NCDN: variants seen among roughly 807,000 people sequenced by gnomAD.
NCDN encodes neurochondrin.
Under a neutral mutation model 60.7 loss-of-function variants are expected in NCDN, and 9 were observed. That is an observed-to-expected ratio of 0.15 (90% confidence interval 0.09 to 0.26). The LOEUF (loss-of-function observed/expected upper bound fraction) is 0.26. Ranked by LOEUF, NCDN falls within the 10% of genes least tolerant of loss-of-function variation. The probability of loss-of-function intolerance (pLI) is 1.00; values close to 1 mark genes in which losing one functional copy is unlikely to be tolerated. For missense variants in NCDN, 578 were observed against 975.2 expected, an observed-to-expected ratio of 0.59 and a Z score of 5.42; for synonymous variants, 409 against 442.5, an observed-to-expected ratio of 0.92 and a Z score of 0.95.
Position 35,560,220 on chromosome 1 carries a change from G to A in NCDN, c.175-106G>A, listed in dbSNP as rs141675824. ...GATGAAATGACCTCAGATGAGTCCTGTTGCATAACCTCATCTTGCTAGTCC... is the reference window on the plus strand; with the variant it reads ...GATGAAATGACCTCAGATGAGTCCTATTGCATAACCTCATCTTGCTAGTCC... On this transcript the variant is annotated intron_variant, in intron 2 of 6. Transcript: ENST00000373243. The surrounding 1 kb of genome is among the most constrained non-coding windows in gnomAD (Gnocchi z 7.6). 4.9e-5 allele frequency: 69 copies of A among 1,416,796 alleles called. No homozygotes were observed. In the African/African-American group the frequency reaches 9.3e-4, roughly 19 times the overall value. 87.8% of individuals were successfully genotyped at this position (1,416,796 alleles called of 1,614,324 possible). A position where few individuals can be genotyped will look rare whatever the true frequency, so the allele number is the denominator to read the frequency against.
At position 35,566,565 on chromosome 1, in the gene NCDN, C is replaced by T. The variant is rs1648882572; in HGVS notation, c.*902C>T. 3.0e-6 allele frequency: 1 copy of T among 333,278 alleles called. No homozygotes were observed. The highest frequency in any genetic ancestry group is 6.0e-6 in the Non-Finnish European group (1 of 166,822). The allele number at this position is 333,278 out of a possible 1,614,324, so 20.6% of individuals were successfully genotyped here. Reference sequence around the variant, plus strand: ...TTTAACTCCCACCCCTGCTATGACTCCTCTCTGCAGAGACGCGACTGGCGG... The same window carrying T: ...TTTAACTCCCACCCCTGCTATGACTTCTCTCTGCAGAGACGCGACTGGCGG... On this transcript the variant is annotated 3_prime_UTR_variant, in exon 7 of 7. Transcript: ENST00000373243. This position sits in a 1 kb window ranked among gnomAD's most constrained non-coding sequence, Gnocchi z 5.3.
In NCDN at chr1:35,563,483, A is replaced by G; in HGVS notation, c.1610+57A>G. The G allele has an allele frequency of 6.4e-7, 1 of 1,559,064 alleles. No individual in the cohort carries two copies. The highest frequency in any genetic ancestry group is 8.8e-7 in the Non-Finnish European group (1 of 1,138,074). On this transcript the variant is annotated intron_variant, in intron 5 of 6. Transcript: ENST00000373243. The surrounding 1 kb of genome is among the most constrained non-coding windows in gnomAD (Gnocchi z 6.6). The stretch of plus-strand genomic sequence containing the variant: ...CCGGAGGAGGCAAAGGAGGCTGCCC[A>G]GTTGCCTCAATTCTCAGTCTCCTAC...
chr1:35,558,422 CTG>C lies in NCDN; in HGVS notation c.33+200_33+201del. On this transcript the variant is annotated intron_variant, in intron 1 of 6. Coordinates refer to ENST00000373243, the MANE Select transcript of NCDN (RefSeq NM_014284.3). This position sits in a 1 kb window ranked among gnomAD's most constrained non-coding sequence, Gnocchi z 6.3. ...GAGGGAGCGCAAGGGGTTAATTCTGCTGCTGCCGCCGCCGCTGCTGCTGCTGC... is the reference window on the plus strand; with the variant it reads ...GAGGGAGCGCAAGGGGTTAATTCTGCCTGCCGCCGCCGCTGCTGCTGCTGC... 1 of 1,442,194 alleles carries C rather than the reference CTG, an allele frequency of 6.9e-7. No homozygotes were observed. 89.3% of individuals were successfully genotyped at this position (1,442,194 alleles called of 1,614,324 possible).
Position 35,560,683 on chromosome 1 carries a change from G to T in NCDN, c.532G>T (p.Val178Leu). ...GPRHLIAGGT[V>L]SALCQAYLGH... ...TCGGCACCTCATTGCTGGTGGCACCGTGTCTGCCCTATGCCAGGCATACCT... is the reference window on the plus strand; with the variant it reads ...TCGGCACCTCATTGCTGGTGGCACCTTGTCTGCCCTATGCCAGGCATACCT... Residue 178 changes from valine (V) to leucine (L), a missense_variant, in exon 3 of 7, where the codon GTG (valine) becomes TTG (leucine). By Grantham distance (32) the Val-to-Leu change is conservative. Around this residue, in one of 3 missense-constraint regions of NCDN, gnomAD observed 363 missense variants for 583.6 expected, o/e 0.62. Transcript: ENST00000373243. The surrounding 1 kb of genome is among the most constrained non-coding windows in gnomAD (Gnocchi z 7.6). The T allele has an allele frequency of 6.2e-7, 1 of 1,613,028 alleles. No homozygotes were observed. The highest frequency in any genetic ancestry group is 8.5e-7 in the Non-Finnish European group (1 of 1,180,046).
chr1:35,560,717 G>A lies in NCDN; in HGVS notation c.566G>A (p.Gly189Asp), dbSNP rs753163717. The part of the protein sequence containing the change: ...SALCQAYLGH[G>D]YGFDQALALL... The stretch of plus-strand genomic sequence containing the variant: ...CTATGCCAGGCATACCTGGGGCACG[G>A]CTATGGCTTTGACCAGGCCCTGGCA... The change falls in exon 3 of 7, where the codon GGC (glycine) becomes GAC (aspartate). Residue 189 changes from glycine (G) to aspartate (D), a missense_variant. By Grantham distance (94) the Gly-to-Asp change is moderately conservative (BLOSUM62 -1). Transcript: ENST00000373243. This position sits in a 1 kb window ranked among gnomAD's most constrained non-coding sequence, Gnocchi z 7.6. 59 of 1,612,330 alleles carry A rather than the reference G, an allele frequency of 3.7e-5. No individual in the cohort carries two copies. The highest frequency in any genetic ancestry group is 5.0e-5 in the Non-Finnish European group (59 of 1,180,042).
At position 35,561,755 on chromosome 1, in the gene NCDN, A is replaced by G. The variant is rs2148538470; in HGVS notation, c.1143+461A>G. The stretch of plus-strand genomic sequence containing the variant: ...GCCTCTATAGAGGTCTGGCTAGATC[A>G]ATTCGCCTGCCTCCCCTACATCCCC... On this transcript the variant is annotated intron_variant, in intron 3 of 6. Transcript: ENST00000373243. The surrounding 1 kb of genome is among the most constrained non-coding windows in gnomAD (Gnocchi z 4.9). Among the ~76,000 whole-genome samples, 3 of 152,194 alleles carry G rather than the reference A, an allele frequency of 2.0e-5. No individual in the cohort carries two copies. In the South Asian group the frequency reaches 6.2e-4, roughly 32 times the overall value.
rs888842255 is a variant in NCDN at position 35,558,426 on chromosome 1, TGCC to T, written c.33+212_33+214del. ...GAGCGCAAGGGGTTAATTCTGCTGC[TGCC>T]GCCGCCGCTGCTGCTGCTGCTGCAG... On this transcript the variant is annotated intron_variant, in intron 1 of 6. Transcript: ENST00000373243. This position sits in a 1 kb window ranked among gnomAD's most constrained non-coding sequence, Gnocchi z 6.3. The T allele has an allele frequency of 2.8e-6, 4 of 1,440,104 alleles. No individual in the cohort carries two copies. Among genetic ancestry groups the T allele is most frequent in the Admixed American group, 2.7e-5 (1 of 37,290 alleles). The allele number at this position is 1,440,104 out of a possible 1,614,324, so 89.2% of individuals were successfully genotyped here.
Position 35,566,396 on chromosome 1 carries a change from T to C in NCDN, c.*733T>C. 4.3e-6 allele frequency: 1 copy of C among 231,992 alleles called. No individual in the cohort carries two copies. Among genetic ancestry groups the C allele is most frequent in the South Asian group, 5.4e-5 (1 of 18,574 alleles). 14.4% of individuals were successfully genotyped at this position (231,992 alleles called of 1,614,324 possible). On this transcript the variant is annotated 3_prime_UTR_variant, in exon 7 of 7. Coordinates refer to ENST00000373243, the MANE Select transcript of NCDN (RefSeq NM_014284.3). The surrounding 1 kb of genome is among the most constrained non-coding windows in gnomAD (Gnocchi z 5.3). Reference sequence around the variant, plus strand: ...GGGGGTTATTTATTTTGCCTGTCCTTATCCCTGCTTGGACACCTGAGCATC... The same window carrying C: ...GGGGGTTATTTATTTTGCCTGTCCTCATCCCTGCTTGGACACCTGAGCATC...
Position 35,565,848 on chromosome 1 carries a change from GC to G in NCDN, c.*189del. On this transcript the variant is annotated 3_prime_UTR_variant, in exon 7 of 7. Transcript: ENST00000373243. This position sits in a 1 kb window ranked among gnomAD's most constrained non-coding sequence, Gnocchi z 8.9. Reference sequence around the variant, plus strand: ...CCTCAAGTGTAAGGAACTGCGTTCCGCCCCTCAGGCCCCCATGGGGGCAGGG... The same window carrying G: ...CCTCAAGTGTAAGGAACTGCGTTCCGCCCTCAGGCCCCCATGGGGGCAGGG... 1 of 640,548 alleles carries G rather than the reference GC, an allele frequency of 1.6e-6. No individual in the cohort carries two copies. The highest frequency in any genetic ancestry group is 2.1e-5 in the South Asian group (1 of 48,722). 39.7% of individuals were successfully genotyped at this position (640,548 alleles called of 1,614,324 possible). A position where few individuals can be genotyped will look rare whatever the true frequency, so the allele number is the denominator to read the frequency against.
rs760066803 is a variant in NCDN, at chr1:35,561,342, G to A, written c.1143+48G>A. 1 of 1,526,248 alleles carries A rather than the reference G, an allele frequency of 6.6e-7. No individual in the cohort carries two copies. The highest frequency in any genetic ancestry group is 8.7e-7 in the Non-Finnish European group (1 of 1,143,846). The allele number at this position is 1,526,248 out of a possible 1,614,324, so 94.5% of individuals were successfully genotyped here. A position where few individuals can be genotyped will look rare whatever the true frequency, so the allele number is the denominator to read the frequency against. On this transcript the variant is annotated intron_variant, in intron 3 of 6. Coordinates refer to ENST00000373243, the MANE Select transcript of NCDN (RefSeq NM_014284.3). This position sits in a 1 kb window ranked among gnomAD's most constrained non-coding sequence, Gnocchi z 4.9. ...AGGGGGCCCAGTATGGGGGGAGCCA[G>A]TGCTGGAGCTGGGAGGCAAGGGGGA... is the stretch of plus-strand genomic sequence containing the variant.
At position 35,565,141 on chromosome 1, in the gene NCDN, A is replaced by C. The variant is rs1648829833; in HGVS notation, c.1754-86A>C. ...TTCCAGGCTGTGCCCTGGCTCCTGCATGTGTCTACACAGAGGACTAGGGAA... is the reference window on the plus strand; with the variant it reads ...TTCCAGGCTGTGCCCTGGCTCCTGCCTGTGTCTACACAGAGGACTAGGGAA... On this transcript the variant is annotated intron_variant, in intron 6 of 6. Coordinates refer to ENST00000373243, the MANE Select transcript of NCDN (RefSeq NM_014284.3). The surrounding 1 kb of genome is among the most constrained non-coding windows in gnomAD (Gnocchi z 8.9). The C allele has an allele frequency of 7.5e-7, 1 of 1,341,474 alleles. No individual in the cohort carries two copies. The highest frequency in any genetic ancestry group is 1.0e-6 in the Non-Finnish European group (1 of 978,172). The allele number at this position is 1,341,474 out of a possible 1,614,324, so 83.1% of individuals were successfully genotyped here.
rs1364015556 is a variant in NCDN at position 35,563,043 on chromosome 1, G to GTT, written c.1386-158_1386-157dup. ...TGGCAGAGCCCAAGTTTGGTCCTGGGTTGTGCGACTCTGAAGCTTGTACTT... is the reference window on the plus strand; with the variant it reads ...TGGCAGAGCCCAAGTTTGGTCCTGGGTTTTGTGCGACTCTGAAGCTTGTACTT... On this transcript the variant is annotated intron_variant, in intron 4 of 6. Transcript: ENST00000373243. The surrounding 1 kb of genome is among the most constrained non-coding windows in gnomAD (Gnocchi z 6.6). 6.6e-6 allele frequency among the ~76,000 whole-genome samples: 1 copy of GTT among 152,206 alleles called. No homozygotes were observed. The highest frequency in any genetic ancestry group is 1.5e-5 in the Non-Finnish European group (1 of 68,042).
rs975898503 is a variant in NCDN at position 35,559,987 on chromosome 1, TGGGAGA to T, written c.175-338_175-333del. On this transcript the variant is annotated intron_variant, in intron 2 of 6. Coordinates refer to ENST00000373243, the MANE Select transcript of NCDN (RefSeq NM_014284.3). ...CAATTAAGGAAGGACTTTAAATCCT[TGGGAGA>T]TCTTAAAACATTGAGTTCTAAGCCC... Among the ~76,000 whole-genome samples, 394 of 152,268 alleles carry T rather than the reference TGGGAGA, an allele frequency of 2.6e-3. 3 individuals are homozygous for T. The highest frequency in any genetic ancestry group is 9.2e-3 in the African/African-American group (383 of 41,526).
Position 35,566,629 on chromosome 1 carries a change from C to CACCACA in NCDN, c.*966_*967insACCACA. Reference sequence around the variant, plus strand: ...TACCTTTCTTATAAACCCAGGGGGACCACACACACACACACACACACACAC... The same window carrying CACCACA: ...TACCTTTCTTATAAACCCAGGGGGACACCACACACACACACACACACACACACACAC... On this transcript the variant is annotated 3_prime_UTR_variant, in exon 7 of 7. Coordinates refer to ENST00000373243, the MANE Select transcript of NCDN (RefSeq NM_014284.3). The surrounding 1 kb of genome is among the most constrained non-coding windows in gnomAD (Gnocchi z 5.3). 1 of 269,194 alleles carries CACCACA rather than the reference C, an allele frequency of 3.7e-6. No homozygotes were observed. Among genetic ancestry groups the CACCACA allele is most frequent in the Non-Finnish European group, 7.6e-6 (1 of 131,720 alleles). The allele number at this position is 269,194 out of a possible 1,614,324, so 16.7% of individuals were successfully genotyped here.
Position 35,563,124 on chromosome 1 carries a change from C to T in NCDN, c.1386-78C>T. 7.6e-7 allele frequency: 1 copy of T among 1,312,462 alleles called. No individual in the cohort carries two copies. Among genetic ancestry groups the T allele is most frequent in the Admixed American group, 2.4e-5 (1 of 41,006 alleles). 81.3% of individuals were successfully genotyped at this position (1,312,462 alleles called of 1,614,324 possible). A position where few individuals can be genotyped will look rare whatever the true frequency, so the allele number is the denominator to read the frequency against. ...CTCCCCTACTTCCATTTCTCTTAGG[C>T]AAGGTGCCCTAAAAAGGGAATCTAT... On this transcript the variant is annotated intron_variant, in intron 4 of 6. Transcript: ENST00000373243. This position sits in a 1 kb window ranked among gnomAD's most constrained non-coding sequence, Gnocchi z 6.6.
chr1:35,565,452 G>T lies in NCDN; in HGVS notation c.1979G>T (p.Arg660Leu). The T allele has an allele frequency of 6.2e-7, 1 of 1,609,706 alleles. No individual in the cohort carries two copies. The highest frequency in any genetic ancestry group is 8.5e-7 in the Non-Finnish European group (1 of 1,178,364). ...LLPWLAPAAL[R>L]SRWPQELLQL... ...CCCTGGCTGGCCCCCGCTGCCCTGCGCTCCCGCTGGCCGCAGGAGCTGCTC... is the reference window on the plus strand; with the variant it reads ...CCCTGGCTGGCCCCCGCTGCCCTGCTCTCCCGCTGGCCGCAGGAGCTGCTC... The change falls in exon 7 of 7, where the codon CGC becomes CTC. Residue 660 changes from arginine to leucine, a missense_variant. By Grantham distance (102) the Arg-to-Leu change is moderately radical. This residue lies in a region of NCDN where 191 missense variants were observed against 372.1 expected (regional missense o/e 0.51). Coordinates refer to ENST00000373243, the MANE Select transcript of NCDN (RefSeq NM_014284.3). This position sits in a 1 kb window ranked among gnomAD's most constrained non-coding sequence, Gnocchi z 8.9.
rs762136596 is a variant in NCDN at position 35,560,901 on chromosome 1, G to A, written c.750G>A (p.Pro250=). The change falls in exon 3 of 7, where the codon CCG becomes CCA. Residue 250 remains proline (P), a synonymous_variant. Coordinates refer to ENST00000373243, the MANE Select transcript of NCDN (RefSeq NM_014284.3). The surrounding 1 kb of genome is among the most constrained non-coding windows in gnomAD (Gnocchi z 7.6). ...AGCTGCTGCCCCTCTTTTTGCCCCC[G>A]ACAACCGTGCCCCCTGAATGCTACC... is the stretch of plus-strand genomic sequence containing the variant. ...LCQLLPLFLP[P]TTVPPECYRD... 1.5e-5 allele frequency: 25 copies of A among 1,613,990 alleles called. No individual in the cohort carries two copies. The highest frequency in any genetic ancestry group is 6.7e-5 in the African/African-American group (5 of 74,924).
At chr1:35,559,961 G>A (rs940597749) in intron 2 of NCDN, among the ~76,000 whole-genome samples, 1 of 152,162 alleles carries the variant, frequency 6.6e-6, no homozygotes, top group Non-Finnish European at 1.5e-5. Context: ...TCTGGAGGGA[G>A]CAATTAAGGA....
Position 35,566,652 on chromosome 1 carries a change from C to CAT in NCDN, c.*990_*991insTA. On this transcript the variant is annotated 3_prime_UTR_variant, in exon 7 of 7. Transcript: ENST00000373243. The surrounding 1 kb of genome is among the most constrained non-coding windows in gnomAD (Gnocchi z 5.3). ...GACCACACACACACACACACACACA[C>CAT]ACACACACACACACACACACACACA... The CAT allele has an allele frequency of 2.5e-6, 1 of 402,790 alleles. No individual in the cohort carries two copies. Among genetic ancestry groups the CAT allele is most frequent in the Non-Finnish European group, 5.0e-6 (1 of 199,800 alleles). The allele number at this position is 402,790 out of a possible 1,614,324, so 25.0% of individuals were successfully genotyped here.
Sources: gnomAD v4.1 joint callset for allele counts (sites outside exome capture counted in the v4.1 genomes callset) on GRCh38, gnomAD v4.1.1 for gene constraint, gnomAD v4.1.1 regional missense constraint, Gnocchi (gnomAD v3.1) non-coding constraint, MANE v1.5 for transcripts, NCBI Gene and HGNC (gene_info 2026-07-23, HGNC 2026-07-21) for gene names.